CDH4: variants seen among roughly 807,000 people sequenced by gnomAD.
The protein encoded by CDH4 is cadherin-4.
Under a neutral mutation model 86.0 loss-of-function variants are expected in CDH4, and 33 were observed. The observed-to-expected ratio is 0.38, with a 90% CI of 0.29 to 0.51. The LOEUF (loss-of-function observed/expected upper bound fraction) is 0.51, where lower values mean the gene tolerates loss of function less well. Ranked by LOEUF, CDH4 falls within the 20% of genes least tolerant of loss-of-function variation. The pLI is 0.86. For missense variants in CDH4, 1,114 were observed against 1,307.4 expected (o/e 0.85, Z 2.28); for synonymous variants, 555 against 549.4 (o/e 1.01, Z -0.14).
chr20:61,801,379 A>C (rs1230270887), intron 4 of CDH4, among the ~76,000 whole-genome samples: 1 of 152,160 alleles, frequency 6.6e-6, no homozygotes, highest in Admixed American at 6.5e-5. Context: ...GGTTAAAGCC[A>C]TGGACCCTCA....
chr20:61,786,287 C>T (rs192465828), intron 4 of CDH4, among the ~76,000 whole-genome samples: 34 of 152,168 alleles, frequency 2.2e-4, no homozygotes, highest in African/African-American at 7.7e-4. Context: ...TGCACCACCC[C>T]CATGACCGTC....
At chr20:61,261,455 T>A (rs2084127195) in intron 2 of CDH4, among the ~76,000 whole-genome samples, 1 of 152,238 alleles carries the variant, frequency 6.6e-6, no homozygotes, top group Admixed American at 6.5e-5. Context: ...AATTATAATA[T>A]AATAACATTA....
intron 2 of CDH4, among the ~76,000 whole-genome samples, chr20:61,739,778 C>T (rs991496200): frequency 6.6e-6 from 1 of 152,238 alleles, no homozygotes. Flanking sequence ...GCAGGCCGCT[C>T]CCGGCCGCTG....
chr20:61,571,268 C>A (rs1040861480), intron 2 of CDH4, among the ~76,000 whole-genome samples: 1 of 152,158 alleles, frequency 6.6e-6, no homozygotes, highest in Non-Finnish European at 1.5e-5. Flanking sequence ...CTTCCACAGC[C>A]TTTTGATGTC....
intron 2 of CDH4, among the ~76,000 whole-genome samples, chr20:61,585,162 G>T (rs2086459865): frequency 6.6e-6 from 1 of 152,364 alleles, no homozygotes; most frequent in South Asian, 2.1e-4. Context: ...CCAGCCACAG[G>T]TCTGCTCTGA....
intron 4 of CDH4, among the ~76,000 whole-genome samples, chr20:61,831,034 G>C (rs760003203): frequency 5.8e-4 from 88 of 152,136 alleles, no homozygotes; most frequent in Non-Finnish European, 4.6e-4. Context: ...AGAGGGCCGG[G>C]GTCTCGCCCC....
intron 7 of CDH4, among the ~76,000 whole-genome samples, chr20:61,893,025 G>T: frequency 3.1e-5 from 3 of 97,786 alleles, no homozygotes; most frequent in South Asian, 4.1e-4. Context: ...GGGTGGGAGG[G>T]TGGATGGATA....
At chr20:61,919,924 G>GGTATCGTGATTATGTGGAAGCA (rs2054949929) in intron 9 of CDH4, among the ~76,000 whole-genome samples, 6 of 143,416 alleles carry the variant, frequency 4.2e-5, no homozygotes, top group East Asian at 3.3e-4. Context: ...ATGTGGAAGC[G>GGTATCGTGATTATGTGGAAGCA]TGGTGTCACG....
chr20:61,534,339 G>T (rs888033883), intron 2 of CDH4, among the ~76,000 whole-genome samples: 2 of 152,208 alleles, frequency 1.3e-5, no homozygotes, highest in Non-Finnish European at 2.9e-5. Flanking sequence ...GACCACACGG[G>T]GCAGGAGGAT....
intron 8 of CDH4, among the ~76,000 whole-genome samples, chr20:61,910,148 T>C (rs1004674502): frequency 1.3e-5 from 2 of 151,978 alleles, no homozygotes; most frequent in Non-Finnish European, 2.9e-5. Flanking sequence ...GCTGACACGG[T>C]GTGCTCTGTT....
rs566946311 is a variant in CDH4, at chr20:61,861,442, A to C, written c.877+8544A>C. On this transcript the variant is annotated intron_variant, in intron 6 of 15. Coordinates refer to ENST00000614565, the MANE Select transcript of CDH4 (RefSeq NM_001794.5). ...CACCGTTCTGTAACAGTAAAGACCC[A>C]CAGCAGCTGGGAGGGAAAGGCAAGA... Among the ~76,000 whole-genome samples the C allele has an allele frequency of 7.2e-5, 11 of 152,302 alleles. No homozygotes were observed. In the East Asian group the frequency reaches 2.1e-3, roughly 29 times the overall value.
chr20:61,404,776 C>T (rs1027752642), intron 2 of CDH4, among the ~76,000 whole-genome samples: 5 of 150,466 alleles, frequency 3.3e-5, no homozygotes, highest in African/African-American at 7.4e-5. Flanking sequence ...TCAGGCTGGG[C>T]GTGGTGGCTC....
intron 2 of CDH4, among the ~76,000 whole-genome samples, chr20:61,278,461 G>A (rs2084241681): frequency 6.6e-6 from 1 of 152,246 alleles, no homozygotes; most frequent in Non-Finnish European, 1.5e-5. Context: ...TTTGCAGACT[G>A]AGGACATGCA....
intron 2 of CDH4, chr20:61,434,767 G>A (rs975525716): frequency 6.6e-6 from 1 of 152,022 alleles, no homozygotes; most frequent in Non-Finnish European, 1.5e-5. Flanking sequence ...AGGCAGACAG[G>A]ACCAGGCCAG....
intron 2 of CDH4, among the ~76,000 whole-genome samples, chr20:61,398,741 G>T (rs1315096486): frequency 1.3e-5 from 2 of 152,202 alleles, no homozygotes; most frequent in Non-Finnish European, 2.9e-5. Flanking sequence ...CTAGGTCTGG[G>T]TACTGTGGCC....
chr20:61,303,813 G>T (rs575451328), intron 2 of CDH4, among the ~76,000 whole-genome samples: 1 of 152,334 alleles, frequency 6.6e-6, no homozygotes, highest in Admixed American at 6.5e-5. Context: ...AGGAGCCCAC[G>T]GAAGTCCAGT....
rs141524028 is a variant in CDH4 at position 61,691,263 on chromosome 20, G to A, written c.170-52300G>A. On this transcript the variant is annotated intron_variant, in intron 2 of 15. Transcript: ENST00000614565. ...AGCAGTAAGAATTCAGTGTGTGTGT[G>A]CAAGTGTGTGTATGTGCGTGTGCAT... is the stretch of plus-strand genomic sequence containing the variant. 3.5e-3 allele frequency among the ~76,000 whole-genome samples: 529 copies of A among 152,294 alleles called. 3 individuals carry two copies. Among genetic ancestry groups the A allele is most frequent in the African/African-American group, 0.012 (492 of 41,566 alleles).
chr20:61,903,220 G>T (rs2054748689), intron 8 of CDH4, among the ~76,000 whole-genome samples: 1 of 152,148 alleles, frequency 6.6e-6, no homozygotes. Flanking sequence ...AGCAGTCACA[G>T]CCCCTGCTCC....
intron 2 of CDH4, among the ~76,000 whole-genome samples, chr20:61,317,475 A>G: frequency 6.6e-6 from 1 of 152,118 alleles, no homozygotes; most frequent in African/African-American, 2.4e-5. Context: ...ACCTGATTGG[A>G]TGGGGAGGTC....
Sources: allele counts gnomAD v4.1 joint callset (sites outside exome capture counted in the v4.1 genomes callset), GRCh38; gene constraint gnomAD v4.1.1; transcripts MANE v1.5; gene names NCBI Gene and HGNC (gene_info 2026-07-23, HGNC 2026-07-21).